The following OTOG variants were observed in gnomAD, a reference collection of about 807,000 sequenced individuals.
OTOG encodes the protein otogelin.
In OTOG, 296 loss-of-function variants were observed where a neutral mutation model predicts 313.8. That is an observed-to-expected ratio of 0.94 (90% CI 0.86 to 1.04). The LOEUF is 1.04. Ranked by LOEUF, OTOG falls within the 50% of genes least tolerant of loss-of-function variation. The pLI is 0.00. For synonymous variants in OTOG, 1,533 were observed against 1,554.9 expected (o/e 0.99, Z 0.33); for missense variants, 3,948 against 3,840.1 (o/e 1.03, Z -0.74).
At chr11:17,624,528 C>T (rs1422631338) in intron 39 of OTOG, among the ~76,000 whole-genome samples, 8 of 152,120 alleles carry the variant, frequency 5.3e-5, no homozygotes, top group African/African-American at 1.7e-4. Context: ...GTTCTTGTAC[C>T]AGTACTATGC....
In OTOG at chr11:17,595,028, G is replaced by A. The variant is rs558162828; in HGVS notation, c.3408+862G>A. Among the ~76,000 whole-genome samples, 60 of 152,314 alleles carry A rather than the reference G, an allele frequency of 3.9e-4. No homozygotes were observed. In the South Asian group the frequency reaches 0.012, roughly 32 times the overall value. ...GTGGTGATATGAGCGTTACATATTTGCCTCTCCTGGACTTAGTGATCTTAA... is the reference window on the plus strand; with the variant it reads ...GTGGTGATATGAGCGTTACATATTTACCTCTCCTGGACTTAGTGATCTTAA... On this transcript the variant is annotated intron_variant, in intron 28 of 55. Coordinates refer to ENST00000399397, the MANE Select transcript of OTOG (RefSeq NM_001292063.2).
In OTOG at chr11:17,547,454, G is replaced by A; in HGVS notation, c.82G>A (p.Val28Met). The A allele has an allele frequency of 1.5e-6, 2 of 1,378,728 alleles. No homozygotes were observed. The highest frequency in any genetic ancestry group is 3.0e-5 in the African/African-American group (2 of 66,318). The allele number at this position is 1,378,728 out of a possible 1,614,324, so 85.4% of individuals were successfully genotyped here. The change falls in exon 1 of 56, where the codon GTG becomes ATG. Residue 28 changes from valine to methionine, a missense_variant. Transcript: ENST00000399397. ...WGEQAAESLR[V>M]QRLAAAPVLW... ...TGAGCAGGCAGCCGAGTCCCTGCGG[G>A]TGCAGCGCCTCGGTGAGAGGGTTGT...
At chr11:17,589,419 T>C (rs748309761) in intron 24 of OTOG, among the ~76,000 whole-genome samples, 1 of 152,178 alleles carries the variant, frequency 6.6e-6, no homozygotes. Flanking sequence ...CCAGGCTCTG[T>C]ACCCATGTAT....
intron 13 of OTOG, 91 bp downstream of exon 13, chr11:17,560,908 G>C: frequency 8.0e-7 from 1 of 1,251,924 alleles, no homozygotes; most frequent in Non-Finnish European, 1.1e-6. Flanking sequence ...AATGGCTGGC[G>C]TCGGGGCACT....
chr11:17,574,672 T>G lies in OTOG; in HGVS notation c.2294-48T>G, dbSNP rs1309732173. The G allele has an allele frequency of 2.0e-6, 3 of 1,509,150 alleles. No homozygotes were observed. In the East Asian group the frequency reaches 7.5e-5, roughly 38 times the overall value. The allele number at this position is 1,509,150 out of a possible 1,614,324, so 93.5% of individuals were successfully genotyped here. On this transcript the variant is annotated intron_variant, in intron 19 of 55. Coordinates refer to ENST00000399397, the MANE Select transcript of OTOG (RefSeq NM_001292063.2). Reference sequence around the variant, plus strand: ...GAATGACAGCCCCACTCCACATAACTGTGGGGATGAGGGAGACAAAGCATG... The same window carrying G: ...GAATGACAGCCCCACTCCACATAACGGTGGGGATGAGGGAGACAAAGCATG...
At chr11:17,569,092 G>A in intron 15 of OTOG, 64 bp from the exon 16 acceptor site, 1 of 1,535,906 alleles carries the variant, frequency 6.5e-7, no homozygotes, top group South Asian at 1.2e-5. Flanking sequence ...TCCCTAGAGG[G>A]CTCTGTTGTA....
intron 1 of OTOG, among the ~76,000 whole-genome samples, chr11:17,547,701 G>A (rs2133989631): frequency 6.6e-6 from 1 of 152,202 alleles, no homozygotes; most frequent in South Asian, 2.1e-4. Flanking sequence ...GACCCGAGGT[G>A]GGGAACTAGA....
intron 15 of OTOG, 68 bp downstream of exon 15, chr11:17,561,875 G>A: frequency 3.3e-6 from 5 of 1,534,550 alleles, no homozygotes; most frequent in South Asian, 1.2e-5. Flanking sequence ...AAGAGAGACT[G>A]GGACTTAGGA....
intron 8 of OTOG, 53 bp downstream of exon 8, chr11:17,557,376 G>A (rs569829765): frequency 8.6e-6 from 13 of 1,512,438 alleles, no homozygotes; most frequent in African/African-American, 8.3e-5. Context: ...TGGGGGACAG[G>A]TCAGGCTGGG....
chr11:17,588,732 G>A (rs1386799466), intron 24 of OTOG, among the ~76,000 whole-genome samples: 6 of 151,958 alleles, frequency 3.9e-5, no homozygotes, highest in East Asian at 1.9e-4. Context: ...AGTATCTCCC[G>A]ACATCTCAGA....
Position 17,594,049 on chromosome 11 carries a change from C to T in OTOG, c.3291C>T (p.Gly1097=). 2 of 1,550,596 alleles carry T rather than the reference C, an allele frequency of 1.3e-6. No homozygotes were observed. The highest frequency in any genetic ancestry group is 2.4e-5 in the East Asian group (1 of 40,916). Residue 1097 remains glycine, a splice_region_variant and synonymous_variant, in exon 28 of 56, where the codon GGC becomes GGT. Coordinates refer to ENST00000399397, the MANE Select transcript of OTOG (RefSeq NM_001292063.2). ...CATGGTGTCCTCTCTCCTTTCAGGG[C>T]CAGCTGGCGGGCCTCTGTGGGAACT... is the stretch of plus-strand genomic sequence containing the variant. ...VHVQAGPQWQ[G]QLAGLCGNFD...
At chr11:17,548,098 G>A (rs1340737516) in intron 2 of OTOG, 54 bp from the exon 3 acceptor site, 2 of 1,513,360 alleles carry the variant, frequency 1.3e-6, no homozygotes, top group Non-Finnish European at 1.8e-6. Context: ...GGGACTGCGG[G>A]GAGGCATAAC....
At chr11:17,609,480 C>T (rs1169649766) in intron 35 of OTOG, among the ~76,000 whole-genome samples, 175 bp from the exon 36 acceptor site, 2 of 151,996 alleles carry the variant, frequency 1.3e-5, no homozygotes, top group Admixed American at 1.3e-4. Flanking sequence ...GTTCTGGGGT[C>T]AGGGTCTGAC....
intron 47 of OTOG, 104 bp downstream of exon 47, chr11:17,635,815 C>A (rs1247471550): frequency 1.1e-6 from 1 of 948,308 alleles, no homozygotes; most frequent in Non-Finnish European, 1.6e-6. Flanking sequence ...AGAGCGCCCC[C>A]AGGTGGTGAG....
chr11:17,642,248 T>C lies in OTOG; in HGVS notation c.8415+2T>C. 6.5e-7 allele frequency: 1 copy of C among 1,547,392 alleles called. No homozygotes were observed. Among genetic ancestry groups the C allele is most frequent in the Non-Finnish European group, 8.7e-7 (1 of 1,145,102 alleles). ...CTCAATGAGACTGAGTGTGCCAAGG[T>C]CAGTGCCTCCTTCTCCACTGAGGCT... On this transcript the variant is annotated splice_donor_variant, in intron 53 of 55. Transcript: ENST00000399397. LOFTEE classifies it high-confidence loss of function.
At chr11:17,560,660 T>G in intron 12 of OTOG, 49 bp from the exon 13 acceptor site, 1 of 1,408,756 alleles carries the variant, frequency 7.1e-7, no homozygotes, top group Middle Eastern at 1.7e-4. Flanking sequence ...ACGAATGGTT[T>G]GTGAACAGGG....
chr11:17,616,638 T>C (rs1853727369), intron 39 of OTOG, among the ~76,000 whole-genome samples: 1 of 152,194 alleles, frequency 6.6e-6, no homozygotes, highest in Non-Finnish European at 1.5e-5. Flanking sequence ...TTGGTGCTAT[T>C]GTAAGTAATT....
At position 17,613,647 on chromosome 11, in the gene OTOG, G is replaced by T; in HGVS notation, c.6474G>T (p.Met2158Ile). Residue 2158 changes from methionine (M) to isoleucine (I), a missense_variant, in exon 39 of 56, where the codon ATG becomes ATT. Transcript: ENST00000399397. ...HLNWPPFCLV[M>I]LNMTHLAHQV... is the part of the protein sequence containing the mutation. ...ACTGGCCCCCGTTCTGTCTGGTGAT[G>T]TTGAACATGACTCACTTGGCCCATC... The T allele has an allele frequency of 5.2e-6, 8 of 1,550,808 alleles. No homozygotes were observed. Among genetic ancestry groups the T allele is most frequent in the Non-Finnish European group, 7.0e-6 (8 of 1,147,058 alleles).
intron 20 of OTOG, among the ~76,000 whole-genome samples, chr11:17,576,224 C>T (rs575440653): frequency 2.5e-4 from 38 of 152,366 alleles, no homozygotes; most frequent in African/African-American, 8.9e-4. Context: ...CTGTTCCTGA[C>T]ATGGCATGGG....
Sources: allele counts gnomAD v4.1 joint callset (sites outside exome capture counted in the v4.1 genomes callset), GRCh38; gene constraint gnomAD v4.1.1; transcripts MANE v1.5; gene names NCBI Gene and HGNC (gene_info 2026-07-23, HGNC 2026-07-21).